Variants in TGDS observed in about 807,000 individuals in gnomAD.
The protein encoded by TGDS is UDP-D-glucose 4,6-dehydratase.
A neutral mutation model predicts 52.3 loss-of-function variants in TGDS; 47 were observed. The observed-to-expected ratio is 0.90, with a 90% confidence interval of 0.71 to 1.15. The LOEUF (loss-of-function observed/expected upper bound fraction) is 1.15, where lower values mean the gene tolerates loss of function less well. Ranked by LOEUF, TGDS falls within the 50% of genes most tolerant of loss-of-function variation. The probability of loss-of-function intolerance (pLI) is 0.00; values close to 1 mark genes in which losing one functional copy is unlikely to be tolerated. For synonymous variants in TGDS, 115 were observed against 136.9 expected (o/e 0.84, Z 1.12); for missense variants, 375 against 418.4 (o/e 0.90, Z 0.90).
chr13:94,589,319 CT>C (rs36115215), intron 4 of TGDS, among the ~76,000 whole-genome samples: 2,804 of 146,546 alleles, frequency 0.019, 86 homozygotes, highest in African/African-American at 0.064. Context: ...CAAAAGATTT[CT>C]TTTTTTTTTT....
At position 94,593,926 on chromosome 13, in the gene TGDS, T is replaced by A; in HGVS notation, c.87-19A>T. 1 of 1,496,094 alleles carries A rather than the reference T, an allele frequency of 6.7e-7. No homozygotes were observed. The highest frequency in any genetic ancestry group is 1.4e-5 in the African/African-American group (1 of 70,976). 92.7% of individuals were successfully genotyped at this position (1,496,094 alleles called of 1,614,324 possible). A position where few individuals can be genotyped will look rare whatever the true frequency, so the allele number is the denominator to read the frequency against. ...TGATGCACTATGGAAAAAAAGTATA[T>A]CTTGTTAGTGAAAAACTTTAACTTC... is the stretch of plus-strand genomic sequence containing the variant. On this transcript the variant is annotated intron_variant, in intron 1 of 11. Transcript: ENST00000261296.
rs137955829 is a variant in TGDS, at chr13:94,580,877, G to A, written c.555+214C>T. Among the ~76,000 whole-genome samples the A allele has an allele frequency of 7.7e-3, 1,178 of 152,252 alleles. 27 individuals carry two copies. The highest frequency in any genetic ancestry group is 0.026 in the African/African-American group (1,089 of 41,522). On this transcript the variant is annotated intron_variant, in intron 6 of 11. Transcript: ENST00000261296. ...CTGACTTGGGCTGGGCGTGGCTCAC[G>A]CCTGTAATCCTAGCACTCTGGGAGG...
chr13:94,583,032 T>G, intron 5 of TGDS, 62 bp downstream of exon 5: 1 of 1,563,814 alleles, frequency 6.4e-7, no homozygotes, highest in Non-Finnish European at 8.7e-7. Flanking sequence ...CCAGTGTAGG[T>G]TTAATAAAAC....
intron 6 of TGDS, among the ~76,000 whole-genome samples, chr13:94,580,415 C>T (rs1309788659): frequency 1.3e-5 from 2 of 152,158 alleles, no homozygotes; most frequent in Non-Finnish European, 2.9e-5. Flanking sequence ...GCCTCTCTGA[C>T]CCAGTCCCTA....
At chr13:94,593,130 G>C (rs1302708152) in intron 2 of TGDS, among the ~76,000 whole-genome samples, 2 of 152,020 alleles carry the variant, frequency 1.3e-5, no homozygotes, top group Non-Finnish European at 2.9e-5. Flanking sequence ...CTCCAGCCTG[G>C]CAACAGAGTG....
chr13:94,576,367 T>A lies in TGDS; in HGVS notation c.929A>T (p.His310Leu). ...CACTTTAGGTCTCCATCCTAAGCCA[T>A]GTATTTTTTCTGACTTCATTGGGTA... ...MRYPMKSEKIHGLGWRPKVPW... is the reference protein window; with the variant it reads ...MRYPMKSEKILGLGWRPKVPW... The change falls in exon 11 of 12, where the codon CAT (histidine) becomes CTT (leucine). Residue 310 changes from histidine to leucine, a missense_variant. His to Leu is a moderately conservative substitution (Grantham distance 99, BLOSUM62 -3). Coordinates refer to ENST00000261296, the MANE Select transcript of TGDS (RefSeq NM_014305.4). 6.2e-7 allele frequency: 1 copy of A among 1,606,658 alleles called. No individual in the cohort carries two copies. The highest frequency in any genetic ancestry group is 8.5e-7 in the Non-Finnish European group (1 of 1,176,270).
rs759087685 is a variant in TGDS, at chr13:94,583,145, C to T, written c.405G>A (p.Glu135=). The change falls in exon 5 of 12, where the codon GAG becomes GAA. Residue 135 remains glutamate, a synonymous_variant. Coordinates refer to ENST00000261296, the MANE Select transcript of TGDS (RefSeq NM_014305.4). ...LVSAAHEARV[E]KFIYVSTDEV... is the part of the protein sequence containing the mutation. ...CATCTGTGCTGACATAAATAAACTT[C>T]TCCACTCTGGCTTCATGAGCAGCAC... 2.6e-5 allele frequency: 42 copies of T among 1,613,988 alleles called. No homozygotes were observed. The South Asian group carries it at 4.4e-4, about 17-fold the overall frequency.
chr13:94,583,848 A>T (rs1015078961), intron 4 of TGDS, among the ~76,000 whole-genome samples: 17 of 152,246 alleles, frequency 1.1e-4, no homozygotes, highest in South Asian at 2.1e-4. Context: ...TCAATTTATA[A>T]AGAACTTTAA....
chr13:94,576,339 A>G lies in TGDS; in HGVS notation c.957T>C (p.Pro319=), dbSNP rs141222845. The change falls in exon 11 of 12, where the codon CCT becomes CCC. Residue 319 remains proline (P), a synonymous_variant. Transcript: ENST00000261296. The stretch of plus-strand genomic sequence containing the variant: ...TTGTTTTCTTTATTCCTTCTTTCCA[A>G]GGCACTTTAGGTCTCCATCCTAAGC... ...IHGLGWRPKV[P]WKEGIKKTIE... The G allele has an allele frequency of 2.1e-4, 333 of 1,603,626 alleles. 1 individual carries two copies. The highest frequency in any genetic ancestry group is 2.7e-4 in the Non-Finnish European group (320 of 1,175,176).
At chr13:94,588,847 G>C (rs533633831) in intron 4 of TGDS, among the ~76,000 whole-genome samples, 1 of 152,266 alleles carries the variant, frequency 6.6e-6, no homozygotes, top group Admixed American at 6.5e-5. Flanking sequence ...TAAATGAAGA[G>C]AGACAGAGAT....
intron 6 of TGDS, among the ~76,000 whole-genome samples, 160 bp downstream of exon 6, chr13:94,580,931 G>A (rs1888766087): frequency 6.6e-6 from 1 of 152,054 alleles, no homozygotes; most frequent in Non-Finnish European, 1.5e-5. Context: ...TTGAGGTCAG[G>A]AGTTCGAGAC....
intron 4 of TGDS, among the ~76,000 whole-genome samples, chr13:94,587,362 G>A (rs1291404498): frequency 2.0e-5 from 3 of 152,142 alleles, no homozygotes; most frequent in Non-Finnish European, 1.5e-5. Flanking sequence ...AATGTCAAAT[G>A]TCAAATGTTG....
At chr13:94,575,199 A>G (rs1236729698) in intron 11 of TGDS, among the ~76,000 whole-genome samples, 1 of 151,752 alleles carries the variant, frequency 6.6e-6, no homozygotes, top group Non-Finnish European at 1.5e-5. Context: ...AGGTTATTTT[A>G]TATAAAAAAG....
At chr13:94,576,259 AT>A in intron 11 of TGDS, 54 bp downstream of exon 11, 1 of 1,240,870 alleles carries the variant, frequency 8.1e-7, no homozygotes, top group Non-Finnish European at 1.1e-6. Flanking sequence ...GAAATAAGTT[AT>A]TTTTCCTTTA....
At chr13:94,587,066 G>A (rs556293737) in intron 4 of TGDS, among the ~76,000 whole-genome samples, 1 of 152,056 alleles carries the variant, frequency 6.6e-6, no homozygotes, top group East Asian at 1.9e-4. Flanking sequence ...CACCCAGCAA[G>A]AAATCAAACT....
intron 4 of TGDS, among the ~76,000 whole-genome samples, chr13:94,588,421 C>CAAAAAAAAAAAAAA (rs150186125): frequency 1.2e-4 from 7 of 58,494 alleles, no homozygotes; most frequent in African/African-American, 3.5e-4. Context: ...GACTCTGTCT[C>CAAAAAAAAAAAAAA]AAAAAAAAAA....
At chr13:94,577,882 T>C in intron 9 of TGDS, 123 bp downstream of exon 9, 1 of 995,814 alleles carries the variant, frequency 1.0e-6, no homozygotes, top group East Asian at 2.7e-5. Context: ...GTACACAAAA[T>C]CATTAATTTC....
At chr13:94,578,388 G>A (rs1169831369) in intron 8 of TGDS, among the ~76,000 whole-genome samples, 2 of 89,764 alleles carry the variant, frequency 2.2e-5, no homozygotes, top group East Asian at 2.9e-4. Context: ...CCTGTGAAAT[G>A]TGTATTCAAT....
At chr13:94,577,952 G>T in intron 9 of TGDS, 53 bp downstream of exon 9, 1 of 1,552,504 alleles carries the variant, frequency 6.4e-7, no homozygotes, top group Non-Finnish European at 8.8e-7. Context: ...TTGACTAATG[G>T]TCACTGCCAC....
Sources: gnomAD v4.1 joint callset for allele counts (sites outside exome capture counted in the v4.1 genomes callset) on GRCh38, gnomAD v4.1.1 for gene constraint, MANE v1.5 for transcripts, NCBI Gene and HGNC (gene_info 2026-07-23, HGNC 2026-07-21) for gene names.